Variants in GPR158 observed in about 807,000 individuals in gnomAD.
The protein encoded by GPR158 is G protein-coupled receptor 158, also known as metabotropic glycine receptor.
In GPR158, 30 loss-of-function variants were observed where a neutral mutation model predicts 78.2. That is an observed-to-expected ratio of 0.38 (90% CI 0.29 to 0.52). The LOEUF is 0.52. Ranked by LOEUF, GPR158 falls within the 20% of genes least tolerant of loss-of-function variation. GPR158 has a pLI of 0.83. For synonymous variants in GPR158, 581 were observed against 591.1 expected (o/e 0.98, Z 0.25); for missense variants, 1,463 against 1,523.5 (o/e 0.96, Z 0.66).
intron 1 of GPR158, among the ~76,000 whole-genome samples, chr10:25,216,476 T>TG (rs1040846543): frequency 2.0e-5 from 3 of 150,658 alleles, no homozygotes; most frequent in South Asian, 2.1e-4. Context: ...TTTTTGGGGG[T>TG]GGGGGGAATG....
At chr10:25,511,425 T>C (rs1429852144) in intron 5 of GPR158, among the ~76,000 whole-genome samples, 3 of 152,230 alleles carry the variant, frequency 2.0e-5, no homozygotes. Flanking sequence ...GAGTTTGTTG[T>C]AGATTCCGGA....
chr10:25,556,331 G>A (rs1434364588), intron 6 of GPR158, among the ~76,000 whole-genome samples: 1 of 152,188 alleles, frequency 6.6e-6, no homozygotes, highest in Non-Finnish European at 1.5e-5. Context: ...GGGTTTTAAC[G>A]TGAAGCAGTT....
chr10:25,514,244 A>G (rs923895912), intron 5 of GPR158, among the ~76,000 whole-genome samples: 12 of 152,074 alleles, frequency 7.9e-5, no homozygotes, highest in African/African-American at 2.9e-4. Flanking sequence ...CACTTTTTAA[A>G]TCATTATATA....
chr10:25,412,387 C>T lies in GPR158; in HGVS notation c.1249C>T (p.Arg417Ter), dbSNP rs1834603622. Residue 417 changes from arginine (R) to a stop codon, truncating the protein, a stop_gained, in exon 4 of 11, where the codon CGA (arginine) becomes TGA (stop). Coordinates refer to ENST00000376351, the MANE Select transcript of GPR158 (RefSeq NM_020752.3). LOFTEE classifies it high-confidence loss of function. ...CTTCGTCCAGGAAGATAAGTATTTA[C>T]GACTTGCCATCATCTCCTTCCAAGC... ...PCFVQEDKYLRLAIISFQALC... is the reference protein window; with the variant it reads ...PCFVQEDKYL The T allele has an allele frequency of 3.1e-6, 5 of 1,613,674 alleles. No homozygotes were observed. The highest frequency in any genetic ancestry group is 4.2e-6 in the Non-Finnish European group (5 of 1,179,652).
intron 1 of GPR158, among the ~76,000 whole-genome samples, chr10:25,216,433 G>C (rs1048203472): frequency 2.0e-5 from 3 of 151,834 alleles, no homozygotes; most frequent in African/African-American, 7.3e-5. Flanking sequence ...TTCCTCCATA[G>C]CAGTTTATGA....
intron 7 of GPR158, among the ~76,000 whole-genome samples, chr10:25,574,228 A>T (rs11014618): frequency 0.46 from 69,847 of 150,278 alleles, 16,705 homozygotes; most frequent in African/African-American, 0.54. Context: ...TCACCAAGAA[A>T]GTTTTTATGC....
chr10:25,358,735 A>T (rs560975268), intron 2 of GPR158, among the ~76,000 whole-genome samples: 1 of 152,216 alleles, frequency 6.6e-6, no homozygotes, highest in African/African-American at 2.4e-5. Context: ...GACTAATACA[A>T]GTATGTTGTT....
chr10:25,206,826 G>A (rs1487742153), intron 1 of GPR158, among the ~76,000 whole-genome samples: 1 of 151,540 alleles, frequency 6.6e-6, no homozygotes, highest in Non-Finnish European at 1.5e-5. Context: ...ATTTTTAAAG[G>A]TGCTGTGTAG....
At chr10:25,411,094 G>GTTTTT in intron 3 of GPR158, among the ~76,000 whole-genome samples, 1 of 145,262 alleles carries the variant, frequency 6.9e-6, no homozygotes, top group East Asian at 2.0e-4. Flanking sequence ...AGTTGTTTCT[G>GTTTTT]TTTTGTTTTT....
At chr10:25,429,913 G>A (rs1296750926) in intron 4 of GPR158, among the ~76,000 whole-genome samples, 6 of 139,196 alleles carry the variant, frequency 4.3e-5, no homozygotes, top group Non-Finnish European at 7.8e-5. Context: ...CATACTGAAT[G>A]GGCAAAAACT....
At chr10:25,464,780 T>C (rs1222160924) in intron 4 of GPR158, among the ~76,000 whole-genome samples, 1 of 152,244 alleles carries the variant, frequency 6.6e-6, no homozygotes, top group Non-Finnish European at 1.5e-5. Flanking sequence ...TGGATTTTCA[T>C]TTTTTGTGTC....
chr10:25,581,227 G>T (rs773753325), intron 7 of GPR158, among the ~76,000 whole-genome samples: 1 of 151,714 alleles, frequency 6.6e-6, no homozygotes, highest in Non-Finnish European at 1.5e-5. Context: ...CGCGCCCGGC[G>T]CTAATTTTTA....
chr10:25,256,675 ACT>A (rs1173197924), intron 2 of GPR158, among the ~76,000 whole-genome samples: 2 of 151,990 alleles, frequency 1.3e-5, no homozygotes, highest in Non-Finnish European at 2.9e-5. Flanking sequence ...ACAGAGTGAG[ACT>A]CTATTCACAA....
At chr10:25,340,154 T>C (rs1222116401) in intron 2 of GPR158, among the ~76,000 whole-genome samples, 2 of 152,038 alleles carry the variant, frequency 1.3e-5, no homozygotes, top group African/African-American at 4.8e-5. Context: ...GAGGTATTCT[T>C]CCCTCAGGAT....
chr10:25,508,239 G>A (rs1325667551), intron 5 of GPR158, among the ~76,000 whole-genome samples: 1 of 152,058 alleles, frequency 6.6e-6, no homozygotes, highest in Non-Finnish European at 1.5e-5. Flanking sequence ...CTTCAGAGAG[G>A]CAATCTGCAA....
intron 1 of GPR158, among the ~76,000 whole-genome samples, chr10:25,205,072 C>T (rs1034491038): frequency 1.3e-5 from 2 of 152,120 alleles, no homozygotes; most frequent in Non-Finnish European, 2.9e-5. Flanking sequence ...CTCATTCTCT[C>T]TCTTGCCTGC....
At chr10:25,487,467 G>C (rs1364270036) in intron 5 of GPR158, among the ~76,000 whole-genome samples, 1 of 152,188 alleles carries the variant, frequency 6.6e-6, no homozygotes, top group Admixed American at 6.6e-5. Flanking sequence ...ATCTGTTGCA[G>C]TGGCATAGTG....
chr10:25,563,914 C>T (rs371221098), intron 6 of GPR158, among the ~76,000 whole-genome samples: 9 of 151,640 alleles, frequency 5.9e-5, no homozygotes, highest in African/African-American at 9.7e-5. Flanking sequence ...TTTCTTTTTT[C>T]GTGCTTATGG....
chr10:25,175,108 C>T lies in GPR158; in HGVS notation c.-313C>T. 2 of 264,942 alleles carry T rather than the reference C, an allele frequency of 7.5e-6. No homozygotes were observed. Among genetic ancestry groups the T allele is most frequent in the Non-Finnish European group, 1.4e-5 (2 of 139,426 alleles). The allele number at this position is 264,942 out of a possible 1,614,324, so 16.4% of individuals were successfully genotyped here. Reference sequence around the variant, plus strand: ...AGCCGGGCCGAGAGACGGACTCGGGCTGACTCCAGCCGCTGGGAGCGCGAG... The same window carrying T: ...AGCCGGGCCGAGAGACGGACTCGGGTTGACTCCAGCCGCTGGGAGCGCGAG... On this transcript the variant is annotated 5_prime_UTR_variant, in exon 1 of 11. Transcript: ENST00000376351. This position sits in a 1 kb window ranked among gnomAD's most constrained non-coding sequence, Gnocchi z 6.4.
Sources: allele counts gnomAD v4.1 joint callset (sites outside exome capture counted in the v4.1 genomes callset), GRCh38; gene constraint gnomAD v4.1.1; non-coding constraint Gnocchi (gnomAD v3.1); transcripts MANE v1.5; gene names NCBI Gene and HGNC (gene_info 2026-07-23, HGNC 2026-07-21).